Variants in AGBL4 observed in about 807,000 individuals in gnomAD.
AGBL4 encodes cytosolic carboxypeptidase 6.
Under a neutral mutation model 66.4 loss-of-function variants are expected in AGBL4, and 58 were observed. The ratio of observed to expected loss-of-function variants is 0.87; its 90% CI spans 0.71 to 1.09. AGBL4 has a LOEUF of 1.09. Among genes scored for constraint, AGBL4 ranks in the 50% least tolerant of loss-of-function variants. The pLI is 0.00. For synonymous variants in AGBL4, 234 were observed against 222.9 expected (o/e 1.05, Z -0.44); for missense variants, 579 against 631.0 (o/e 0.92, Z 0.88).
At position 48,598,764 on chromosome 1, in the gene AGBL4, C is replaced by T. The variant is rs1421707197; in HGVS notation, c.952-7779G>A. ...TCACTGGGATTACAGGTGTCAGCCA[C>T]CACGCCTGGCCTCATTAAATTTATT... On this transcript the variant is annotated intron_variant, in intron 9 of 13. Transcript: ENST00000371839. 4.8e-4 allele frequency among the ~76,000 whole-genome samples: 73 copies of T among 152,060 alleles called. 2 individuals carry two copies. The highest frequency in any genetic ancestry group is 4.8e-3 in the Admixed American group (73 of 15,276).
chr1:48,551,005 TA>T (rs1228229693), intron 11 of AGBL4, among the ~76,000 whole-genome samples: 1 of 152,224 alleles, frequency 6.6e-6, no homozygotes, highest in African/African-American at 2.4e-5. Flanking sequence ...TTCAGCATCC[TA>T]ATTGGTCTTC....
rs535614523 is a variant in AGBL4 at position 49,324,102 on chromosome 1, C to T, written c.283-78238G>A. Among the ~76,000 whole-genome samples, 264 of 152,332 alleles carry T rather than the reference C, an allele frequency of 1.7e-3. 1 individual carries two copies. The highest frequency in any genetic ancestry group is 5.9e-3 in the African/African-American group (244 of 41,582). ...ACTTTCATAATTCAGTGCTTCTTAT[C>T]CTGAATTTCTATATGGTCCAAACAT... On this transcript the variant is annotated intron_variant, in intron 3 of 13. Coordinates refer to ENST00000371839, the MANE Select transcript of AGBL4 (RefSeq NM_032785.4).
rs570827390 is a variant in AGBL4, at chr1:49,008,039, A to T, written c.594+37545T>A. Among the ~76,000 whole-genome samples, 5 of 152,304 alleles carry T rather than the reference A, an allele frequency of 3.3e-5. No homozygotes were observed. In the South Asian group the frequency reaches 1.0e-3, roughly 32 times the overall value. ...TTAACACATAACGATATTAACTTTA[A>T]ATGTAAATGGACTAAATGCTCCAAT... is the stretch of plus-strand genomic sequence containing the variant. On this transcript the variant is annotated intron_variant, in intron 5 of 13. Transcript: ENST00000371839.
chr1:48,826,472 C>T (rs1646428821), intron 6 of AGBL4, among the ~76,000 whole-genome samples: 1 of 152,130 alleles, frequency 6.6e-6, no homozygotes, highest in South Asian at 2.1e-4. Context: ...TTCCTTTGCA[C>T]CCCACACCCA....
At chr1:49,210,050 G>C (rs540721260) in intron 4 of AGBL4, among the ~76,000 whole-genome samples, 1 of 152,028 alleles carries the variant, frequency 6.6e-6, no homozygotes, top group Non-Finnish European at 1.5e-5. Context: ...GGAGAGATTG[G>C]CTAGTGGTCA....
In AGBL4 at chr1:48,859,535, C is replaced by T. The variant is rs1009080040; in HGVS notation, c.634+7656G>A. Among the ~76,000 whole-genome samples the T allele has an allele frequency of 3.9e-5, 6 of 152,138 alleles. No individual in the cohort carries two copies. In the South Asian group the frequency reaches 8.3e-4, roughly 21 times the overall value. ...TCTCTGGGATCACCTCCAATTTGCA[C>T]TAAAGTCTTTGTGTAAAGGTCTGCT... On this transcript the variant is annotated intron_variant, in intron 6 of 13. Transcript: ENST00000371839.
At chr1:49,989,245 C>G (rs1659741417) in intron 1 of AGBL4, among the ~76,000 whole-genome samples, 1 of 152,060 alleles carries the variant, frequency 6.6e-6, no homozygotes. Flanking sequence ...TACAACAGAG[C>G]TGTGAGGAAA....
chr1:48,580,907 C>G (rs536837533), intron 11 of AGBL4, among the ~76,000 whole-genome samples: 6 of 152,242 alleles, frequency 3.9e-5, no homozygotes, highest in Non-Finnish European at 7.4e-5. Context: ...CTGGGTTCTC[C>G]CCTGTACTTC....
intron 4 of AGBL4, among the ~76,000 whole-genome samples, chr1:49,131,880 G>A (rs973237294): frequency 4.6e-5 from 7 of 152,024 alleles, no homozygotes; most frequent in African/African-American, 1.4e-4. Context: ...CTCTAATTTT[G>A]AATTCTATTT....
rs1002148560 is a variant in AGBL4 at position 49,181,487 on chromosome 1, T to C, written c.377+64283A>G. Among the ~76,000 whole-genome samples the C allele has an allele frequency of 4.6e-5, 7 of 152,196 alleles. No homozygotes were observed. In the South Asian group the frequency reaches 6.2e-4, roughly 14 times the overall value. On this transcript the variant is annotated intron_variant, in intron 4 of 13. Coordinates refer to ENST00000371839, the MANE Select transcript of AGBL4 (RefSeq NM_032785.4). ...CCACAGCTCTACTACCTCCTGGCTG[T>C]GGGGACTTGGGCAAAATCCCAATAT...
chr1:49,227,888 C>T (rs989304653), intron 4 of AGBL4, among the ~76,000 whole-genome samples: 2 of 152,088 alleles, frequency 1.3e-5, no homozygotes, highest in African/African-American at 4.8e-5. Flanking sequence ...AGTTCCTGTT[C>T]AAGAGTCTCC....
intron 4 of AGBL4, among the ~76,000 whole-genome samples, chr1:49,207,310 T>C (rs1029599923): frequency 6.6e-6 from 1 of 152,050 alleles, no homozygotes; most frequent in Non-Finnish European, 1.5e-5. Context: ...AGCAGAATGA[T>C]GCTCCTTTGA....
intron 3 of AGBL4, among the ~76,000 whole-genome samples, chr1:49,276,283 C>A (rs1644166372): frequency 6.6e-6 from 1 of 152,026 alleles, no homozygotes; most frequent in Admixed American, 6.6e-5. Flanking sequence ...CTGCTTATTC[C>A]AGTTTGTTTT....
At chr1:48,880,451 T>A in intron 5 of AGBL4, among the ~76,000 whole-genome samples, 1 of 152,206 alleles carries the variant, frequency 6.6e-6, no homozygotes, top group East Asian at 1.9e-4. Flanking sequence ...CTTTTTCATA[T>A]AATGACTTCT....
intron 5 of AGBL4, among the ~76,000 whole-genome samples, chr1:48,981,672 G>T (rs1001643849): frequency 2.6e-5 from 4 of 152,166 alleles, no homozygotes; most frequent in African/African-American, 9.7e-5. Context: ...ATCACCTGAG[G>T]TCAGGGGTTC....
At chr1:49,816,227 T>C (rs767158989) in intron 2 of AGBL4, among the ~76,000 whole-genome samples, 1 of 152,090 alleles carries the variant, frequency 6.6e-6, no homozygotes, top group Non-Finnish European at 1.5e-5. Flanking sequence ...ACTTTACAGA[T>C]ACAACCAGAA....
intron 8 of AGBL4, among the ~76,000 whole-genome samples, chr1:48,647,361 T>C (rs987859064): frequency 2.0e-5 from 3 of 152,234 alleles, no homozygotes; most frequent in African/African-American, 7.2e-5. Context: ...TAATAGGCAA[T>C]TACTATGGTA....
At chr1:49,282,763 C>A (rs920174480) in intron 3 of AGBL4, among the ~76,000 whole-genome samples, 12 of 152,156 alleles carry the variant, frequency 7.9e-5, no homozygotes, top group African/African-American at 2.9e-4. Context: ...GGGTGACAGA[C>A]GCACCTGGAA....
chr1:49,751,161 G>GGT (rs1651428327), intron 2 of AGBL4, among the ~76,000 whole-genome samples: 1 of 151,184 alleles, frequency 6.6e-6, no homozygotes, highest in Non-Finnish European at 1.5e-5. Flanking sequence ...TCCTTGTACT[G>GGT]GTGTTCAAAG....
Sources: allele counts gnomAD v4.1 joint callset (sites outside exome capture counted in the v4.1 genomes callset), GRCh38; gene constraint gnomAD v4.1.1; transcripts MANE v1.5; gene names NCBI Gene and HGNC (gene_info 2026-07-23, HGNC 2026-07-21).